The following CA10 variants were observed in gnomAD, a reference collection of about 807,000 sequenced individuals.
CA10 encodes carbonic anhydrase-related protein 10.
CA10 carries 14 observed loss-of-function variants against 44.2 expected under a neutral mutation model. The observed-to-expected ratio is 0.32, with a 90% CI of 0.21 to 0.50. CA10 has a LOEUF of 0.50. Among genes scored for constraint, CA10 ranks in the 20% least tolerant of loss-of-function variants. The probability of loss-of-function intolerance (pLI) is 0.99; values close to 1 mark genes in which losing one functional copy is unlikely to be tolerated. For synonymous variants in CA10, 159 were observed against 141.6 expected, an observed-to-expected ratio of 1.12 and a Z score of -0.87; for missense variants, 350 against 409.7, an observed-to-expected ratio of 0.85 and a Z score of 1.26.
At chr17:51,749,771 A>G (rs987491925) in intron 3 of CA10, among the ~76,000 whole-genome samples, 9 of 152,186 alleles carry the variant, frequency 5.9e-5, no homozygotes, top group African/African-American at 2.2e-4. Context: ...GAGAGAGAGG[A>G]CTGAGGCAGA....
intron 4 of CA10, among the ~76,000 whole-genome samples, chr17:51,733,643 C>G (rs776860073): frequency 1.1e-4 from 17 of 152,178 alleles, no homozygotes; most frequent in Admixed American, 2.6e-4. Flanking sequence ...AAAAGCAAAG[C>G]TTGCAACTGC....
chr17:51,878,908 GTGTGTA>G (rs1307214998), intron 3 of CA10, among the ~76,000 whole-genome samples: 39 of 120,822 alleles, frequency 3.2e-4, no homozygotes, highest in Admixed American at 6.6e-4. Context: ...GTGTGTGTGT[GTGTGTA>G]TGTGTGTATG....
rs183257507 is a variant in CA10 at position 51,786,925 on chromosome 17, G to A, written c.280-39107C>T. ...ATAAAATGTTTTTTCAGCATTTTTG[G>A]AAATAATCATATTGTTTTTGTCCTT... On this transcript the variant is annotated intron_variant, in intron 3 of 8. Transcript: ENST00000451037. 8.5e-5 allele frequency among the ~76,000 whole-genome samples: 13 copies of A among 152,140 alleles called. No individual in the cohort carries two copies. In the East Asian group the frequency reaches 2.5e-3, roughly 29 times the overall value.
intron 3 of CA10, among the ~76,000 whole-genome samples, chr17:51,800,138 A>G (rs759557231): frequency 6.6e-6 from 1 of 152,246 alleles, no homozygotes; most frequent in Non-Finnish European, 1.5e-5. Flanking sequence ...AAAATGTAGT[A>G]GACTCATATA....
intron 4 of CA10, among the ~76,000 whole-genome samples, chr17:51,734,516 T>C (rs909944256): frequency 3.3e-5 from 5 of 152,222 alleles, no homozygotes; most frequent in Non-Finnish European, 5.9e-5. Flanking sequence ...GGTGTCAGAC[T>C]GGACTGTTCG....
At chr17:52,040,143 T>C (rs1472695957) in intron 2 of CA10, among the ~76,000 whole-genome samples, 1 of 115,878 alleles carries the variant, frequency 8.6e-6, no homozygotes, top group Non-Finnish European at 1.8e-5. Context: ...TTTCTTTTTT[T>C]TCTTTTTTTT....
chr17:52,074,982 T>A (rs1056182211), intron 1 of CA10, among the ~76,000 whole-genome samples: 10 of 152,216 alleles, frequency 6.6e-5, no homozygotes, highest in Non-Finnish European at 1.0e-4. Flanking sequence ...CATATTTATT[T>A]ACATAGTCTC....
chr17:52,143,765 T>C (rs1038166245), intron 1 of CA10, among the ~76,000 whole-genome samples: 2 of 152,160 alleles, frequency 1.3e-5, no homozygotes, highest in African/African-American at 4.8e-5. Context: ...CATTAATCTC[T>C]GCATTCTCAG....
intron 3 of CA10, among the ~76,000 whole-genome samples, chr17:51,928,763 G>A (rs1982531631): frequency 6.6e-6 from 1 of 152,170 alleles, no homozygotes; most frequent in South Asian, 2.1e-4. Flanking sequence ...AATCAGAGCA[G>A]TGATTTGAAT....
At chr17:51,682,366 AG>A (rs1418602928) in intron 4 of CA10, among the ~76,000 whole-genome samples, 6 of 152,168 alleles carry the variant, frequency 3.9e-5, no homozygotes, top group Admixed American at 3.3e-4. Context: ...GGCCACTGTG[AG>A]GAGGCTGAAT....
At chr17:51,758,087 G>GT (rs992162012) in intron 3 of CA10, among the ~76,000 whole-genome samples, 3 of 151,966 alleles carry the variant, frequency 2.0e-5, no homozygotes, top group Non-Finnish European at 4.4e-5. Flanking sequence ...AAAATAGTGG[G>GT]TTTTTTTCCC....
chr17:51,881,259 A>AAT (rs1444203209), intron 3 of CA10, among the ~76,000 whole-genome samples: 1 of 151,466 alleles, frequency 6.6e-6, no homozygotes, highest in Non-Finnish European at 1.5e-5. Flanking sequence ...AAAAAAAAAA[A>AAT]AAGTTTTATC....
At chr17:51,919,405 C>G (rs541674811) in intron 3 of CA10, among the ~76,000 whole-genome samples, 1 of 152,068 alleles carries the variant, frequency 6.6e-6, no homozygotes, top group Admixed American at 6.5e-5. Context: ...GTGACTGTTT[C>G]TGCCGCTGTC....
At chr17:51,741,141 C>T (rs758554905) in intron 4 of CA10, among the ~76,000 whole-genome samples, 1 of 152,152 alleles carries the variant, frequency 6.6e-6, no homozygotes, top group Non-Finnish European at 1.5e-5. Context: ...TGAACAGTGG[C>T]CAAGTGTTGG....
chr17:52,028,813 G>C (rs1024400646), intron 2 of CA10, among the ~76,000 whole-genome samples: 10 of 152,194 alleles, frequency 6.6e-5, no homozygotes, highest in Non-Finnish European at 5.9e-5. Context: ...GACTCTTAGA[G>C]TGCCCACAAA....
intron 4 of CA10, among the ~76,000 whole-genome samples, chr17:51,654,746 C>A (rs958804861): frequency 6.6e-6 from 1 of 151,962 alleles, no homozygotes; most frequent in Non-Finnish European, 1.5e-5. Flanking sequence ...TTAGTAGAGA[C>A]GGGGTTTCAC....
intron 1 of CA10, among the ~76,000 whole-genome samples, chr17:52,125,531 T>C (rs1028577900): frequency 1.3e-5 from 2 of 152,122 alleles, no homozygotes; most frequent in Non-Finnish European, 2.9e-5. Flanking sequence ...TCTCTAGAGG[T>C]GCCTTCCTGC....
intron 2 of CA10, among the ~76,000 whole-genome samples, chr17:51,940,223 G>A (rs144697979): frequency 8.3e-4 from 126 of 152,096 alleles, no homozygotes; most frequent in African/African-American, 2.8e-3. Flanking sequence ...ATTTGCTTCT[G>A]GTCTTTCTAG....
chr17:52,097,940 C>T (rs1311916122), intron 1 of CA10, among the ~76,000 whole-genome samples: 1 of 152,108 alleles, frequency 6.6e-6, no homozygotes, highest in Non-Finnish European at 1.5e-5. Context: ...CTGTCATAGT[C>T]CTCTTGTGTA....
Sources: allele counts gnomAD v4.1 joint callset (sites outside exome capture counted in the v4.1 genomes callset), GRCh38; gene constraint gnomAD v4.1.1; transcripts MANE v1.5; gene names NCBI Gene and HGNC (gene_info 2026-07-23, HGNC 2026-07-21).